FSD1L: variants seen among roughly 807,000 people sequenced by gnomAD.
FSD1L encodes fibronectin type III and SPRY domain containing 1 like.
Under a neutral mutation model 71.6 loss-of-function variants are expected in FSD1L, and 45 were observed. That is an observed-to-expected ratio of 0.63 (90% CI 0.49 to 0.81). The LOEUF (loss-of-function observed/expected upper bound fraction) is 0.81. Among genes scored for constraint, FSD1L ranks in the 30% least tolerant of loss-of-function variants. FSD1L has a pLI of 0.00. For synonymous variants in FSD1L, 197 were observed against 207.2 expected (o/e 0.95, Z 0.42); for missense variants, 561 against 618.1 (o/e 0.91, Z 0.98).
intron 7 of FSD1L, 56 bp downstream of exon 7, chr9:105,484,558 A>AT: frequency 6.5e-6 from 8 of 1,235,008 alleles, no homozygotes; most frequent in Non-Finnish European, 8.5e-6. Context: ...TTTCTACAAG[A>AT]TTTTTTTGCA....
intron 4 of FSD1L, among the ~76,000 whole-genome samples, chr9:105,470,749 AT>A (rs1480489338): frequency 6.6e-6 from 1 of 152,080 alleles, no homozygotes; most frequent in Non-Finnish European, 1.5e-5. Context: ...TGTTGTTCAT[AT>A]TTGGGGGTGG....
At chr9:105,536,758 C>T (rs1475398222) in intron 12 of FSD1L, among the ~76,000 whole-genome samples, 1 of 151,464 alleles carries the variant, frequency 6.6e-6, no homozygotes, top group Non-Finnish European at 1.5e-5. Flanking sequence ...GCCTCAGCCT[C>T]CTGAGTTAGC....
chr9:105,521,421 C>A, intron 10 of FSD1L: 1 of 1,614,074 alleles, frequency 6.2e-7, no homozygotes, highest in East Asian at 2.2e-5. Context: ...TGATGAAGAA[C>A]ATCTCACAGA....
intron 12 of FSD1L, among the ~76,000 whole-genome samples, chr9:105,536,297 A>G (rs1836260553): frequency 6.6e-6 from 1 of 152,224 alleles, no homozygotes. Flanking sequence ...TGTTCACACG[A>G]TAATCCTTTA....
intron 7 of FSD1L, among the ~76,000 whole-genome samples, chr9:105,502,732 A>G (rs1191884169): frequency 1.3e-5 from 2 of 152,140 alleles, no homozygotes; most frequent in Non-Finnish European, 2.9e-5. Context: ...GCTTTCAACA[A>G]TGGCTTAACA....
chr9:105,461,555 T>G lies in FSD1L; in HGVS notation c.51T>G (p.Asp17Glu), dbSNP rs1830699620. 5.2e-6 allele frequency: 8 copies of G among 1,551,800 alleles called. No homozygotes were observed. Among genetic ancestry groups the G allele is most frequent in the Non-Finnish European group, 7.0e-6 (8 of 1,146,796 alleles). Residue 17 changes from aspartate (D) to glutamate (E), a missense_variant, in exon 2 of 14, where the codon GAT becomes GAG. By Grantham distance (45) the Asp-to-Glu change is conservative. Coordinates refer to ENST00000481272, the MANE Select transcript of FSD1L (RefSeq NM_001145313.3). ...AGGAGAATGAAAACGTTACAGTTGATAAAGCCTGTTTTCTGATCTCTAACA... is the reference window on the plus strand; with the variant it reads ...AGGAGAATGAAAACGTTACAGTTGAGAAAGCCTGTTTTCTGATCTCTAACA... ...CFKENENVTV[D>E]KACFLISNIT...
intron 6 of FSD1L, among the ~76,000 whole-genome samples, chr9:105,483,418 C>A (rs1011385269): frequency 1.3e-5 from 2 of 152,118 alleles, no homozygotes; most frequent in African/African-American, 4.8e-5. Context: ...CCCCTTGTCC[C>A]ACCAGCTCTG....
At chr9:105,522,795 C>T (rs571250943) in intron 10 of FSD1L, 43 of 1,612,934 alleles carry the variant, frequency 2.7e-5, no homozygotes, top group Middle Eastern at 1.7e-4. Context: ...AGAATGACTT[C>T]GAAGTGGTAA....
chr9:105,507,825 G>A (rs1188534364), intron 8 of FSD1L, among the ~76,000 whole-genome samples: 1 of 150,726 alleles, frequency 6.6e-6, no homozygotes, highest in Non-Finnish European at 1.5e-5. Context: ...TAAACTATAT[G>A]TGTTTCTTTT....
chr9:105,454,709 G>A (rs569148842), intron 1 of FSD1L, among the ~76,000 whole-genome samples: 1 of 152,116 alleles, frequency 6.6e-6, no homozygotes, highest in Admixed American at 6.5e-5. Context: ...CCTCTGGTGT[G>A]CTTTATTTTC....
chr9:105,492,493 A>G (rs1170738880), intron 7 of FSD1L, among the ~76,000 whole-genome samples: 7 of 151,932 alleles, frequency 4.6e-5, no homozygotes, highest in East Asian at 1.9e-4. Context: ...TTGTGTCTCT[A>G]TTTCCTTCAG....
chr9:105,499,342 A>G (rs1056007514), intron 7 of FSD1L, among the ~76,000 whole-genome samples: 1 of 152,220 alleles, frequency 6.6e-6, no homozygotes, highest in African/African-American at 2.4e-5. Flanking sequence ...AGATCAGTCA[A>G]GAATAAGAAA....
At chr9:105,521,961 G>T (rs866563099) in intron 10 of FSD1L, 3 of 1,612,784 alleles carry the variant, frequency 1.9e-6, no homozygotes, top group Middle Eastern at 2.0e-4. Flanking sequence ...GTACATGGTT[G>T]TACAAGTATC....
intron 7 of FSD1L, among the ~76,000 whole-genome samples, chr9:105,504,264 A>G (rs1833930929): frequency 1.3e-5 from 2 of 152,232 alleles, no homozygotes; most frequent in South Asian, 4.1e-4. Flanking sequence ...TATGTATTAT[A>G]AGGACAGAAA....
intron 8 of FSD1L, 91 bp downstream of exon 8, chr9:105,506,699 A>G (rs1379399398): frequency 1.5e-5 from 15 of 975,212 alleles, no homozygotes; most frequent in Non-Finnish European, 2.2e-5. Context: ...TAAAGTTTTA[A>G]AGTTTCTTTA....
At chr9:105,470,814 A>G (rs1458054093) in intron 4 of FSD1L, among the ~76,000 whole-genome samples, 1 of 152,188 alleles carries the variant, frequency 6.6e-6, no homozygotes, top group African/African-American at 2.4e-5. Flanking sequence ...TAAAGTTTCC[A>G]TACATTTCAA....
intron 10 of FSD1L, chr9:105,513,684 G>C (rs1368410949): frequency 7.1e-7 from 1 of 1,407,814 alleles, no homozygotes; most frequent in Non-Finnish European, 9.5e-7. Context: ...TAGCTTGGCT[G>C]ATTAAAAAAA....
At chr9:105,480,294 CTTTTT>C (rs202199417) in intron 6 of FSD1L, among the ~76,000 whole-genome samples, 1 of 140,172 alleles carries the variant, frequency 7.1e-6, no homozygotes, top group African/African-American at 2.6e-5. Context: ...CTGGGTTTCT[CTTTTT>C]TTTTTTTTTT....
intron 1 of FSD1L, among the ~76,000 whole-genome samples, chr9:105,460,954 A>G (rs1288555505): frequency 2.0e-5 from 3 of 152,222 alleles, no homozygotes; most frequent in African/African-American, 7.2e-5. Flanking sequence ...TTCACCTTCT[A>G]GAGTTAATAT....
Sources: gnomAD v4.1 joint callset for allele counts (sites outside exome capture counted in the v4.1 genomes callset) on GRCh38, gnomAD v4.1.1 for gene constraint, MANE v1.5 for transcripts, NCBI Gene and HGNC (gene_info 2026-07-23, HGNC 2026-07-21) for gene names.